Variants in RIMS2 observed in about 807,000 individuals in gnomAD.
RIMS2 encodes regulating synaptic membrane exocytosis 2, also known as regulating synaptic membrane exocytosis protein 2.
Under a neutral mutation model 174.4 loss-of-function variants are expected in RIMS2, and 59 were observed. The observed-to-expected ratio is 0.34, with a 90% CI of 0.27 to 0.42. The LOEUF is 0.42. RIMS2 is among the 10% of genes least tolerant of loss of function. The pLI, the probability that RIMS2 is intolerant of heterozygous loss-of-function variation, is 1.00. For missense variants in RIMS2, 1,620 were observed against 1,666.3 expected, an observed-to-expected ratio of 0.97 and a Z score of 0.48; for synonymous variants, 606 against 572.5, an observed-to-expected ratio of 1.06 and a Z score of -0.84.
chr8:104,095,422 A>G (rs536144750), intron 19 of RIMS2, among the ~76,000 whole-genome samples: 1 of 152,262 alleles, frequency 6.6e-6, no homozygotes, highest in South Asian at 2.1e-4. Flanking sequence ...AACTCAATCC[A>G]TTAGATAAAC....
chr8:103,725,721 G>T (rs2097520595), intron 2 of RIMS2, among the ~76,000 whole-genome samples: 1 of 152,016 alleles, frequency 6.6e-6, no homozygotes, highest in Non-Finnish European at 1.5e-5. Context: ...GTTTCTTTTT[G>T]GTAGAAACTA....
At chr8:103,666,562 G>A (rs2096671630) in intron 1 of RIMS2, among the ~76,000 whole-genome samples, 1 of 152,198 alleles carries the variant, frequency 6.6e-6, no homozygotes, top group Non-Finnish European at 1.5e-5. Context: ...GCCTAGAGGA[G>A]ACTTCCTTAT....
chr8:103,957,817 A>T (rs2088009299), intron 14 of RIMS2, among the ~76,000 whole-genome samples: 1 of 152,168 alleles, frequency 6.6e-6, no homozygotes, highest in East Asian at 1.9e-4. Context: ...AATATCACTA[A>T]TCATTAGGGC....
chr8:104,001,280 G>A (rs951078460), intron 17 of RIMS2, among the ~76,000 whole-genome samples: 3 of 151,902 alleles, frequency 2.0e-5, no homozygotes, highest in Admixed American at 6.6e-5. Context: ...TTGAAGTGAT[G>A]TATATCCCAA....
At chr8:103,628,849 A>G (rs2095848524) in intron 1 of RIMS2, among the ~76,000 whole-genome samples, 1 of 151,900 alleles carries the variant, frequency 6.6e-6, no homozygotes, top group South Asian at 2.1e-4. Flanking sequence ...CATTTTGATT[A>G]TACTTGCCTG....
chr8:103,891,653 T>A (rs1316169606), intron 4 of RIMS2, among the ~76,000 whole-genome samples: 1 of 152,090 alleles, frequency 6.6e-6, no homozygotes, highest in African/African-American at 2.4e-5. Context: ...TGTTTCTGTA[T>A]AAAATTTTGT....
chr8:103,896,667 G>A (rs534620821), intron 4 of RIMS2, among the ~76,000 whole-genome samples: 2 of 151,704 alleles, frequency 1.3e-5, no homozygotes, highest in South Asian at 4.1e-4. Context: ...TGCTATAGAG[G>A]TTAACACTGG....
chr8:103,780,529 C>T (rs998779235), intron 3 of RIMS2, among the ~76,000 whole-genome samples: 6 of 151,928 alleles, frequency 3.9e-5, no homozygotes, highest in African/African-American at 1.5e-4. Flanking sequence ...TTGTTGAGAG[C>T]CTCTAATGAT....
chr8:104,169,339 T>TATATATATATAA (rs1359764472), intron 19 of RIMS2, among the ~76,000 whole-genome samples: 1 of 33,264 alleles, frequency 3.0e-5, no homozygotes, highest in African/African-American at 1.6e-4. Context: ...TATATATATA[T>TATATATATATAA]AAAACAGATT....
intron 1 of RIMS2, among the ~76,000 whole-genome samples, chr8:103,622,012 T>C (rs1002318356): frequency 3.9e-5 from 6 of 152,164 alleles, no homozygotes; most frequent in Admixed American, 3.3e-4. Flanking sequence ...CCAAAAATAT[T>C]GTGATTTGCC....
chr8:103,885,307 C>A (rs1419046513), exon 4 of RIMS2: 1 of 1,568,606 alleles, frequency 6.4e-7, no homozygotes, highest in East Asian at 2.3e-5. Context: ...GGAAAAGAAG[C>A]CCATCTGTGT....
intron 1 of RIMS2, among the ~76,000 whole-genome samples, chr8:103,535,193 C>T (rs1839209914): frequency 6.6e-6 from 1 of 152,158 alleles, no homozygotes; most frequent in African/African-American, 2.4e-5. Context: ...TTATCCTAGT[C>T]ATGTAAGCAT....
In RIMS2 at chr8:103,785,582, G is replaced by T. The variant is rs572449636; in HGVS notation, c.698+19045G>T. Among the ~76,000 whole-genome samples, 116 of 152,258 alleles carry T rather than the reference G, an allele frequency of 7.6e-4. 1 individual carries two copies. The highest frequency in any genetic ancestry group is 2.5e-3 in the African/African-American group (104 of 41,548). On this transcript the variant is annotated intron_variant, in intron 3 of 23. Coordinates refer to ENST00000504942, the Ensembl canonical transcript of RIMS2. ...TATGCTGGATTACATTTATTGATTT[G>T]TGTATATTGAGCCAGCCTTGCATCC...
chr8:103,585,469 C>T (rs908028891), intron 1 of RIMS2, among the ~76,000 whole-genome samples: 1 of 152,076 alleles, frequency 6.6e-6, no homozygotes, highest in Admixed American at 6.5e-5. Context: ...ATAGCAAAGA[C>T]TTGAAACCAA....
chr8:103,526,798 G>T (rs1317049121), intron 1 of RIMS2, among the ~76,000 whole-genome samples: 1 of 152,152 alleles, frequency 6.6e-6, no homozygotes, highest in Non-Finnish European at 1.5e-5. Context: ...AGTATGTATA[G>T]TTGGAGTTTC....
chr8:103,822,271 C>T (rs1023647654), intron 3 of RIMS2, among the ~76,000 whole-genome samples: 3 of 151,718 alleles, frequency 2.0e-5, no homozygotes, highest in Non-Finnish European at 3.0e-5. Context: ...ACTCAACTTT[C>T]ATTAGGATTT....
chr8:103,946,895 A>G (rs1216232817), intron 14 of RIMS2, among the ~76,000 whole-genome samples: 1 of 152,234 alleles, frequency 6.6e-6, no homozygotes, highest in Non-Finnish European at 1.5e-5. Flanking sequence ...ACATAATGAT[A>G]GACCTATAGA....
intron 19 of RIMS2, among the ~76,000 whole-genome samples, chr8:104,195,399 G>T (rs1480726602): frequency 6.6e-6 from 1 of 152,022 alleles, no homozygotes; most frequent in Non-Finnish European, 1.5e-5. Flanking sequence ...TAAAGCATTT[G>T]GGGATATTTT....
intron 3 of RIMS2, among the ~76,000 whole-genome samples, chr8:103,861,096 C>T (rs2154499841): frequency 6.6e-6 from 1 of 152,028 alleles, no homozygotes; most frequent in East Asian, 1.9e-4. Flanking sequence ...GACCATCATA[C>T]AGAATAAGTA....
Sources: gnomAD v4.1 joint callset for allele counts (sites outside exome capture counted in the v4.1 genomes callset) on GRCh38, gnomAD v4.1.1 for gene constraint, MANE v1.5 for transcripts, NCBI Gene and HGNC (gene_info 2026-07-23, HGNC 2026-07-21) for gene names.